Variants in ZRSR2 observed in about 807,000 individuals in gnomAD.
ZRSR2 encodes U2 small nuclear ribonucleoprotein auxiliary factor 35 kDa subunit-related protein 2.
ZRSR2 carries 3 observed loss-of-function variants against 39.4 expected under a neutral mutation model. The observed-to-expected ratio is 0.08, with a 90% CI of 0.03 to 0.20. The LOEUF (loss-of-function observed/expected upper bound fraction) is 0.20. Ranked by LOEUF, ZRSR2 falls within the 10% of genes least tolerant of loss-of-function variation. The probability of loss-of-function intolerance (pLI) is 1.00; values close to 1 mark genes in which losing one functional copy is unlikely to be tolerated. For missense variants in ZRSR2, 256 were observed against 391.5 expected, an observed-to-expected ratio of 0.65 and a Z score of 2.92; for synonymous variants, 137 against 136.0, an observed-to-expected ratio of 1.01 and a Z score of -0.05.
intron 2 of ZRSR2, 41 bp downstream of exon 2, chrX:15,791,054 C>T (rs757493097): frequency 9.0e-7 from 1 of 1,114,137 alleles, no homozygotes; most frequent in East Asian, 3.0e-5. Flanking sequence ...TGTGAAATTG[C>T]TCTGTCCACT....
Position 15,822,867 on chromosome X carries a change from G to A in ZRSR2, c.1074G>A (p.Gly358=), listed in dbSNP as rs764350747. The A allele has an allele frequency of 5.0e-6, 6 of 1,211,061 alleles. 1 individual carries two copies. Among genetic ancestry groups the A allele is most frequent in the Non-Finnish European group, 5.6e-6 (5 of 895,472 alleles). ...LSPDRTGSSF[G]KNSERRERMG... ...CAGATCGGACTGGCTCCTCCTTTGGGAAGAACTCCGAAAGGAGGGAGAGGA... is the reference window on the plus strand; with the variant it reads ...CAGATCGGACTGGCTCCTCCTTTGGAAAGAACTCCGAAAGGAGGGAGAGGA... The change falls in exon 11 of 11, where the codon GGG becomes GGA. Residue 358 remains glycine (G), a synonymous_variant. Coordinates refer to ENST00000307771, the MANE Select transcript of ZRSR2 (RefSeq NM_005089.4).
intron 2 of ZRSR2, among the ~76,000 whole-genome samples, chrX:15,798,591 C>T (rs1601809395): frequency 1.8e-5 from 2 of 111,312 alleles, no homozygotes; most frequent in African/African-American, 6.5e-5. Context: ...GACATTCTCC[C>T]GCAGAACCAC....
Position 15,803,196 on chromosome X carries a change from G to A in ZRSR2, c.204-492G>A, listed in dbSNP as rs1359392083. On this transcript the variant is annotated intron_variant, in intron 3 of 10. Coordinates refer to ENST00000307771, the MANE Select transcript of ZRSR2 (RefSeq NM_005089.4). Reference sequence around the variant, plus strand: ...GAGAATCACTTGAACCCGGGAGGCAGAGGTTGCAGTGAGCCAAGATCATGC... The same window carrying A: ...GAGAATCACTTGAACCCGGGAGGCAAAGGTTGCAGTGAGCCAAGATCATGC... Among the ~76,000 whole-genome samples the A allele has an allele frequency of 5.4e-5, 6 of 110,823 alleles. No homozygotes were observed. The Admixed American group carries it at 5.8e-4, about 11-fold the overall frequency.
In ZRSR2 at chrX:15,815,669, A is replaced by G. The variant is rs1479136386; in HGVS notation, c.558-8A>G. The G allele has an allele frequency of 1.7e-6, 2 of 1,186,996 alleles. No individual in the cohort carries two copies. Among genetic ancestry groups the G allele is most frequent in the East Asian group, 3.0e-5 (1 of 33,476 alleles). ...CCTAGTGAATTTAAGCTTTTCTTTC[A>G]TACGCAGATGTTCACGTAAACATAA... On this transcript the variant is annotated splice_region_variant and splice_polypyrimidine_tract_variant and intron_variant, in intron 7 of 10. Transcript: ENST00000307771.
rs763316268 is a variant in ZRSR2 at position 15,799,054 on chromosome X, C to T, written c.122-818C>T. On this transcript the variant is annotated intron_variant, in intron 2 of 10. Coordinates refer to ENST00000307771, the MANE Select transcript of ZRSR2 (RefSeq NM_005089.4). Reference sequence around the variant, plus strand: ...TACAAAAATTAGCTGGGCATGGTGGCGCGCGCCTGTAGTCCCAGCTACTTG... The same window carrying T: ...TACAAAAATTAGCTGGGCATGGTGGTGCGCGCCTGTAGTCCCAGCTACTTG... Among the ~76,000 whole-genome samples, 7 of 109,845 alleles carry T rather than the reference C, an allele frequency of 6.4e-5. No homozygotes were observed. In the East Asian group the frequency reaches 8.7e-4, roughly 14 times the overall value.
chrX:15,812,708 G>A (rs1212028498), intron 7 of ZRSR2, among the ~76,000 whole-genome samples: 1 of 112,110 alleles, frequency 8.9e-6, no homozygotes, highest in Non-Finnish European at 1.9e-5. Flanking sequence ...AAGAAGGTTC[G>A]TGATCTAGCA....
intron 3 of ZRSR2, chrX:15,801,399 T>G: frequency 3.3e-6 from 1 of 303,190 alleles, no homozygotes; most frequent in South Asian, 3.0e-5. Flanking sequence ...CAGTTAATTT[T>G]TTTTTGTACT....
chrX:15,815,650 G>A (rs777812353), intron 7 of ZRSR2, 27 bp from the exon 8 acceptor site: 28 of 1,151,973 alleles, frequency 2.4e-5, no homozygotes, highest in Non-Finnish European at 3.2e-5. Context: ...TTGGCCTAGT[G>A]AATTTAAGCT....
chrX:15,791,701 G>A (rs1932286233), intron 2 of ZRSR2, among the ~76,000 whole-genome samples: 1 of 97,800 alleles, frequency 1.0e-5, no homozygotes, highest in Non-Finnish European at 2.0e-5. Flanking sequence ...CTGTTGCCCA[G>A]GCTGGAGTGC....
chrX:15,815,987 C>T (rs1170748861), intron 8 of ZRSR2, 97 bp downstream of exon 8: 11 of 657,107 alleles, frequency 1.7e-5, no homozygotes, highest in Non-Finnish European at 2.5e-5. Flanking sequence ...GGGTCAGGCA[C>T]GCTAGCACTC....
At chrX:15,807,083 G>T (rs991707608) in intron 5 of ZRSR2, among the ~76,000 whole-genome samples, 1 of 111,664 alleles carries the variant, frequency 9.0e-6, no homozygotes, top group African/African-American at 3.3e-5. Context: ...GGCTAGGGAA[G>T]ATAAGACTGT....
Position 15,803,804 on chromosome X carries a change from A to G in ZRSR2, c.312+8A>G, listed in dbSNP as rs1343251116. On this transcript the variant is annotated splice_region_variant and intron_variant, in intron 4 of 10. Coordinates refer to ENST00000307771, the MANE Select transcript of ZRSR2 (RefSeq NM_005089.4). ...CGGCAAGAAGAACAAGAGGTATGGT[A>G]GGAATCACGTAACTAGTGAACAAAC... 8.5e-7 allele frequency: 1 copy of G among 1,183,266 alleles called. No homozygotes were observed. Among genetic ancestry groups the G allele is most frequent in the African/African-American group, 1.8e-5 (1 of 56,798 alleles).
intron 7 of ZRSR2, among the ~76,000 whole-genome samples, chrX:15,811,789 T>G (rs781256877): frequency 8.9e-6 from 1 of 111,968 alleles, no homozygotes; most frequent in Non-Finnish European, 1.9e-5. Flanking sequence ...TTCGAGAACT[T>G]GGTTGACAGG....
chrX:15,796,784 GTTTTTTTTTTTTTT>G (rs141175603), intron 2 of ZRSR2, among the ~76,000 whole-genome samples: 1 of 39,913 alleles, frequency 2.5e-5, no homozygotes, highest in African/African-American at 1.2e-4. Flanking sequence ...GTTTCAAATC[GTTTTTTTTTTTTTT>G]TTTTTTTTTT....
chrX:15,792,284 T>C, intron 2 of ZRSR2, among the ~76,000 whole-genome samples: 1 of 111,694 alleles, frequency 9.0e-6, no homozygotes, highest in Non-Finnish European at 1.9e-5. Context: ...TAGCTGGGCT[T>C]GGTGGCAGGT....
chrX:15,813,527 G>C (rs1321523665), intron 7 of ZRSR2, among the ~76,000 whole-genome samples: 1 of 112,148 alleles, frequency 8.9e-6, no homozygotes, highest in Non-Finnish European at 1.9e-5. Context: ...TATACACTTA[G>C]ATTATAAGGA....
chrX:15,812,000 G>A (rs1295787703), intron 7 of ZRSR2, among the ~76,000 whole-genome samples: 2 of 111,334 alleles, frequency 1.8e-5, no homozygotes, highest in African/African-American at 3.3e-5. Context: ...CACGATCTCC[G>A]CTCACTGCAA....
chrX:15,803,603 A>G, intron 3 of ZRSR2, 85 bp from the exon 4 acceptor site: 3 of 1,096,018 alleles, frequency 2.7e-6, no homozygotes, highest in South Asian at 4.4e-5. Flanking sequence ...ATCAGTCCCA[A>G]AATGTGTCAT....
chrX:15,800,041 T>G, intron 3 of ZRSR2, 88 bp downstream of exon 3: 1 of 598,651 alleles, frequency 1.7e-6, no homozygotes, highest in Non-Finnish European at 2.5e-6. Context: ...GTCTTCTGTA[T>G]AAAATCTTGT....
Sources: gnomAD v4.1 joint callset for allele counts (sites outside exome capture counted in the v4.1 genomes callset) on GRCh38, gnomAD v4.1.1 for gene constraint, MANE v1.5 for transcripts, NCBI Gene and HGNC (gene_info 2026-07-23, HGNC 2026-07-21) for gene names.